The following TDRD9 variants were observed in gnomAD, a reference collection of about 807,000 sequenced individuals.
The protein encoded by TDRD9 is tudor domain containing 9.
In TDRD9, 124 loss-of-function variants were observed where a neutral mutation model predicts 172.6. The ratio of observed to expected loss-of-function variants is 0.72; its 90% CI spans 0.62 to 0.83. The LOEUF (loss-of-function observed/expected upper bound fraction) is 0.83, where lower values mean the gene tolerates loss of function less well. Among genes scored for constraint, TDRD9 ranks in the 40% least tolerant of loss-of-function variants. The pLI, the probability that TDRD9 is intolerant of heterozygous loss-of-function variation, is 0.00. For synonymous variants in TDRD9, 619 were observed against 617.1 expected, an observed-to-expected ratio of 1.00 and a Z score of -0.05; for missense variants, 1,479 against 1,714.1, an observed-to-expected ratio of 0.86 and a Z score of 2.42.
intron 2 of TDRD9, among the ~76,000 whole-genome samples, chr14:103,961,597 A>T (rs2032514772): frequency 6.6e-6 from 1 of 151,910 alleles, no homozygotes; most frequent in Non-Finnish European, 1.5e-5. Context: ...AAGGAAAAAA[A>T]AAAAAGCCAT....
chr14:103,934,276 A>G (rs1345030990), intron 1 of TDRD9, among the ~76,000 whole-genome samples: 1 of 152,110 alleles, frequency 6.6e-6, no homozygotes, highest in Non-Finnish European at 1.5e-5. Context: ...GCCTCCCAAA[A>G]TGCTGGGATT....
intron 7 of TDRD9, 41 bp from the exon 8 acceptor site, chr14:103,986,176 C>T: frequency 6.7e-7 from 1 of 1,485,910 alleles, no homozygotes; most frequent in Non-Finnish European, 9.4e-7. Flanking sequence ...CTTCTGTAAT[C>T]CTGTTTTCGT....
chr14:104,013,068 T>G (rs540862821), intron 20 of TDRD9, among the ~76,000 whole-genome samples: 1 of 152,320 alleles, frequency 6.6e-6, no homozygotes, highest in African/African-American at 2.4e-5. Context: ...GTGCTCTCCC[T>G]TGCTTCCCAT....
At chr14:103,955,531 GT>G in intron 1 of TDRD9, 132 bp from the exon 2 acceptor site, 1 of 578,846 alleles carries the variant, frequency 1.7e-6, no homozygotes, top group Non-Finnish European at 3.0e-6. Context: ...TGGTAACTGA[GT>G]TTGAGTGTAT....
rs1318654612 is a variant in TDRD9 at position 103,955,709 on chromosome 14, C to T, written c.261C>T (p.Tyr87=). The T allele has an allele frequency of 6.4e-7, 1 of 1,551,246 alleles. No homozygotes were observed. Among genetic ancestry groups the T allele is most frequent in the African/African-American group, 1.4e-5 (1 of 72,986 alleles). Residue 87 remains tyrosine (Y), a synonymous_variant, in exon 2 of 36, where the codon TAC becomes TAT. Transcript: ENST00000409874. ...CAGAAGTAGAGTATATTAACAAATA[C>T]AGACAGCTCGAAGCACAAGAGCTTG... The part of the protein sequence containing the change: ...RSSEVEYINK[Y]RQLEAQELDV...
chr14:104,021,216 C>T (rs906364938), intron 23 of TDRD9, among the ~76,000 whole-genome samples: 4 of 152,008 alleles, frequency 2.6e-5, no homozygotes, highest in Non-Finnish European at 4.4e-5. Flanking sequence ...AACCAGATCT[C>T]GTGAGAACTC....
In TDRD9 at chr14:104,042,035, C is replaced by G. The variant is rs765282925; in HGVS notation, c.3856-34C>G. On this transcript the variant is annotated intron_variant, in intron 33 of 35. Transcript: ENST00000409874. Reference sequence around the variant, plus strand: ...GGGATGAAATTCAGTTACGACGGAGCCTTATGAGTGTTTATGTTGCTGTTC... The same window carrying G: ...GGGATGAAATTCAGTTACGACGGAGGCTTATGAGTGTTTATGTTGCTGTTC... The G allele has an allele frequency of 4.6e-6, 6 of 1,312,216 alleles. No individual in the cohort carries two copies. The East Asian group carries it at 1.2e-4, about 25-fold the overall frequency. 81.3% of individuals were successfully genotyped at this position (1,312,216 alleles called of 1,614,324 possible).
intron 1 of TDRD9, among the ~76,000 whole-genome samples, chr14:103,938,935 C>T (rs1481334486): frequency 6.6e-6 from 1 of 152,020 alleles, no homozygotes; most frequent in African/African-American, 2.4e-5. Context: ...ATTAGGTTTG[C>T]CAACAACAAA....
rs2034034817 is a variant in TDRD9 at position 103,995,730 on chromosome 14, T to A, written c.1321-20T>A. ...CGGAATATAGTAGGAATGTCAGCTT[T>A]TTTCTTTGATGTTTAACAGATTATT... On this transcript the variant is annotated intron_variant, in intron 11 of 35. Transcript: ENST00000409874. 1 of 1,577,738 alleles carries A rather than the reference T, an allele frequency of 6.3e-7. No individual in the cohort carries two copies. Among genetic ancestry groups the A allele is most frequent in the South Asian group, 1.2e-5 (1 of 84,306 alleles).
chr14:104,023,459 C>A (rs1001446492), intron 24 of TDRD9, among the ~76,000 whole-genome samples: 1 of 152,246 alleles, frequency 6.6e-6, no homozygotes, highest in Admixed American at 6.5e-5. Context: ...AGCTGCCCTT[C>A]CTTGCCAAAT....
chr14:104,049,120 ATGTGTGTGTG>A (rs368678111), intron 34 of TDRD9, among the ~76,000 whole-genome samples: 1 of 101,874 alleles, frequency 9.8e-6, no homozygotes, highest in Non-Finnish European at 2.2e-5. Flanking sequence ...GTATGTATGT[ATGTGTGTGTG>A]TGTGTGTGTG....
At chr14:103,994,172 C>T (rs1315376084) in intron 9 of TDRD9, among the ~76,000 whole-genome samples, 160 bp from the exon 10 acceptor site, 1 of 152,096 alleles carries the variant, frequency 6.6e-6, no homozygotes, top group Non-Finnish European at 1.5e-5. Context: ...TCACTGTGTA[C>T]TTTTACTTGT....
At position 104,004,288 on chromosome 14, in the gene TDRD9, G is replaced by A. The variant is rs1422024249; in HGVS notation, c.1534G>A (p.Asp512Asn). ...RGYCYRLVHK[D>N]FWDNSIPDHV... ...GTACTGTTACCGGCTGGTACACAAG[G>A]ATTTCTGGGACAACTCCATCCCTGA... Residue 512 changes from aspartate (D) to asparagine (N), a missense_variant, in exon 14 of 36, where the codon GAT becomes AAT. Transcript: ENST00000409874. 1.2e-6 allele frequency: 2 copies of A among 1,606,126 alleles called. No homozygotes were observed.
At chr14:103,955,085 G>A (rs989816520) in intron 1 of TDRD9, among the ~76,000 whole-genome samples, 12 of 151,064 alleles carry the variant, frequency 7.9e-5, no homozygotes, top group African/African-American at 2.2e-4. Flanking sequence ...GCCCACACCC[G>A]GCTCATTTCT....
intron 1 of TDRD9, among the ~76,000 whole-genome samples, chr14:103,949,369 T>C (rs2031739164): frequency 6.6e-6 from 1 of 152,246 alleles, no homozygotes; most frequent in Admixed American, 6.5e-5. Flanking sequence ...TGTCTTGCAA[T>C]GTGTAATTCA....
intron 21 of TDRD9, 21 bp from the exon 22 acceptor site, chr14:104,015,960 G>T: frequency 6.5e-7 from 1 of 1,526,756 alleles, no homozygotes; most frequent in Non-Finnish European, 8.9e-7. Context: ...GTTACTTCAT[G>T]AAAATAAATT....
At chr14:104,050,999 C>T (rs2035921556) in intron 35 of TDRD9, among the ~76,000 whole-genome samples, 1 of 152,138 alleles carries the variant, frequency 6.6e-6, no homozygotes, top group Non-Finnish European at 1.5e-5. Context: ...TCAAGGGGTA[C>T]ATGTGCAGCT....
intron 13 of TDRD9, 135 bp from the exon 14 acceptor site, chr14:104,004,103 T>C (rs940491028): frequency 1.5e-5 from 7 of 468,412 alleles, no homozygotes; most frequent in Non-Finnish European, 2.7e-5. Context: ...ATTCTAAAGT[T>C]TTTACTGACA....
At chr14:104,023,370 A>T (rs1316802585) in intron 24 of TDRD9, among the ~76,000 whole-genome samples, 1 of 152,114 alleles carries the variant, frequency 6.6e-6, no homozygotes, top group Admixed American at 6.5e-5. Context: ...GTAATGTGGA[A>T]TATTTTTTGT....
Sources: allele counts gnomAD v4.1 joint callset (sites outside exome capture counted in the v4.1 genomes callset), GRCh38; gene constraint gnomAD v4.1.1; transcripts MANE v1.5; gene names NCBI Gene and HGNC (gene_info 2026-07-23, HGNC 2026-07-21).